Variants in PALM2AKAP2 observed in about 807,000 individuals in gnomAD.
PALM2AKAP2 encodes PALM2 and AKAP2 fusion, also known as PALM2-AKAP2 fusion protein.
PALM2AKAP2 carries 37 observed loss-of-function variants against 71.5 expected under a neutral mutation model. The observed-to-expected ratio is 0.52, with a 90% CI of 0.40 to 0.68. PALM2AKAP2 has a LOEUF of 0.68. PALM2AKAP2 is among the 30% of genes least tolerant of loss of function. PALM2AKAP2 has a pLI of 0.00. For synonymous variants in PALM2AKAP2, 468 were observed against 478.8 expected (o/e 0.98, Z 0.29); for missense variants, 1,224 against 1,191.8 (o/e 1.03, Z -0.40).
intron 1 of PALM2AKAP2, among the ~76,000 whole-genome samples, chr9:110,093,745 T>C (rs556817272): frequency 6.6e-6 from 1 of 152,322 alleles, no homozygotes; most frequent in South Asian, 2.1e-4. Flanking sequence ...GGCATCACAC[T>C]ACCCTGTTTC....
At chr9:109,992,505 C>A (rs980752464) in intron 6 of PALM2AKAP2, among the ~76,000 whole-genome samples, 4 of 152,140 alleles carry the variant, frequency 2.6e-5, no homozygotes, top group African/African-American at 9.7e-5. Flanking sequence ...CTCACTGCAG[C>A]CTTCCTGGGC....
At chr9:110,026,939 A>G (rs1404081698) in intron 7 of PALM2AKAP2, among the ~76,000 whole-genome samples, 3 of 152,138 alleles carry the variant, frequency 2.0e-5, no homozygotes, top group Non-Finnish European at 4.4e-5. Context: ...GCCACTCTGG[A>G]GGCTGAGGCA....
At chr9:109,793,572 T>C (rs571351951) in intron 1 of PALM2AKAP2, among the ~76,000 whole-genome samples, 1 of 152,334 alleles carries the variant, frequency 6.6e-6, no homozygotes, top group African/African-American at 2.4e-5. Flanking sequence ...ATTTTACTAG[T>C]GTGATTTCAG....
At position 109,929,723 on chromosome 9, in the gene PALM2AKAP2, G is replaced by C. The variant is rs192210841; in HGVS notation, c.395-2204G>C. Reference sequence around the variant, plus strand: ...ACTAAAAATACAAAAAATTAGCCGGGTGTGGTGGTGGGCGCCTGTAGTCCC... The same window carrying C: ...ACTAAAAATACAAAAAATTAGCCGGCTGTGGTGGTGGGCGCCTGTAGTCCC... On this transcript the variant is annotated intron_variant, in intron 5 of 9. Coordinates refer to the PALM2AKAP2 transcript ENST00000302798. 2.5e-3 allele frequency among the ~76,000 whole-genome samples: 385 copies of C among 151,998 alleles called. 7 individuals carry two copies. Among genetic ancestry groups the C allele is most frequent in the Middle Eastern group, 3.4e-3 (1 of 292 alleles).
At chr9:110,146,526 T>C (rs1369021366) in intron 2 of PALM2AKAP2, among the ~76,000 whole-genome samples, 1 of 152,174 alleles carries the variant, frequency 6.6e-6, no homozygotes, top group Non-Finnish European at 1.5e-5. Context: ...AACAGATGCA[T>C]AGTTTTCAGG....
chr9:109,993,184 T>TTAA (rs10642434), intron 6 of PALM2AKAP2, among the ~76,000 whole-genome samples: 1 of 138,810 alleles, frequency 7.2e-6, no homozygotes, highest in African/African-American at 2.7e-5. Flanking sequence ...CAAAGTGCCT[T>TTAA]AAAAAAAAAA....
intron 1 of PALM2AKAP2, among the ~76,000 whole-genome samples, chr9:109,715,453 G>C (rs566290928): frequency 6.6e-6 from 1 of 152,208 alleles, no homozygotes; most frequent in African/African-American, 2.4e-5. Context: ...GTCGTTCAAC[G>C]TTCCCTGCTT....
intron 1 of PALM2AKAP2, among the ~76,000 whole-genome samples, chr9:110,081,422 G>A (rs1039475466): frequency 2.1e-4 from 32 of 152,202 alleles, no homozygotes; most frequent in Non-Finnish European, 3.2e-4. Flanking sequence ...ATTGTGGCTT[G>A]CATGTTGCCT....
At chr9:109,782,623 T>C (rs924506163) in intron 1 of PALM2AKAP2, among the ~76,000 whole-genome samples, 1 of 152,164 alleles carries the variant, frequency 6.6e-6, no homozygotes, top group East Asian at 1.9e-4. Context: ...TGCTATTTTA[T>C]AGGGACTTGA....
intron 1 of PALM2AKAP2, among the ~76,000 whole-genome samples, chr9:109,797,011 T>C (rs1343941847): frequency 6.6e-6 from 1 of 152,146 alleles, no homozygotes; most frequent in Non-Finnish European, 1.5e-5. Flanking sequence ...TACCCTAAAT[T>C]CTGTCTTATC....
chr9:110,125,486 G>A (rs775733531), intron 1 of PALM2AKAP2: 48 of 985,360 alleles, frequency 4.9e-5, no homozygotes, highest in African/African-American at 1.7e-4. Flanking sequence ...ACAGTCTTCC[G>A]TCAGGAGGCT....
intron 6 of PALM2AKAP2, among the ~76,000 whole-genome samples, chr9:110,005,625 T>G (rs372057430): frequency 5.9e-5 from 9 of 152,228 alleles, no homozygotes; most frequent in African/African-American, 2.2e-4. Flanking sequence ...CCCCCAGAGG[T>G]GGAGTTTACA....
intron 6 of PALM2AKAP2, among the ~76,000 whole-genome samples, chr9:109,959,793 C>T (rs1237157822): frequency 6.6e-6 from 1 of 152,038 alleles, no homozygotes; most frequent in Non-Finnish European, 1.5e-5. Flanking sequence ...TGTCTTTTCA[C>T]CTACCAGGAG....
intron 6 of PALM2AKAP2, among the ~76,000 whole-genome samples, chr9:109,968,458 T>G (rs1179629401): frequency 6.6e-6 from 1 of 152,190 alleles, no homozygotes; most frequent in Non-Finnish European, 1.5e-5. Context: ...CGACTAGATC[T>G]CTCAGTGAAA....
At chr9:110,091,679 G>T (rs890282028) in intron 1 of PALM2AKAP2, among the ~76,000 whole-genome samples, 1 of 151,990 alleles carries the variant, frequency 6.6e-6, no homozygotes, top group Non-Finnish European at 1.5e-5. Context: ...AGCCAGGATG[G>T]TCTTGATCTC....
Position 110,061,530 on chromosome 9 carries a change from A to G in PALM2AKAP2, c.156+12675A>G, listed in dbSNP as rs949273698. 2.0e-5 allele frequency among the ~76,000 whole-genome samples: 3 copies of G among 151,686 alleles called. No homozygotes were observed. In the East Asian group the frequency reaches 5.8e-4, roughly 29 times the overall value. ...TGATAATGAATGTTGACTGAAAGTCAGGCCCTATTTCCAGTGTCATATGTG... is the reference window on the plus strand; with the variant it reads ...TGATAATGAATGTTGACTGAAAGTCGGGCCCTATTTCCAGTGTCATATGTG... On this transcript the variant is annotated intron_variant, in intron 1 of 3. Transcript: ENST00000374525.
intron 1 of PALM2AKAP2, among the ~76,000 whole-genome samples, chr9:109,746,372 C>A (rs970726894): frequency 5.2e-4 from 79 of 152,182 alleles, no homozygotes; most frequent in African/African-American, 1.8e-3. Context: ...AATGTCTTTC[C>A]CATTAATCCT....
At chr9:109,868,086 C>T (rs1829505141) in intron 2 of PALM2AKAP2, among the ~76,000 whole-genome samples, 1 of 152,074 alleles carries the variant, frequency 6.6e-6, no homozygotes, top group Non-Finnish European at 1.5e-5. Flanking sequence ...TTTATTTGTA[C>T]TTTAACAATT....
chr9:110,101,409 A>G (rs2118873791), intron 1 of PALM2AKAP2, among the ~76,000 whole-genome samples: 1 of 152,020 alleles, frequency 6.6e-6, no homozygotes. Flanking sequence ...CTCCCTCATT[A>G]CTTTCTGATC....
Sources: allele counts gnomAD v4.1 joint callset (sites outside exome capture counted in the v4.1 genomes callset), GRCh38; gene constraint gnomAD v4.1.1; transcripts MANE v1.5; gene names NCBI Gene and HGNC (gene_info 2026-07-23, HGNC 2026-07-21).